The following RBM19 variants were observed in gnomAD, a reference collection of about 807,000 sequenced individuals.
RBM19 encodes probable RNA-binding protein 19.
In RBM19, 94 loss-of-function variants were observed where a neutral mutation model predicts 116.8. That is an observed-to-expected ratio of 0.80 (90% confidence interval 0.68 to 0.95). The LOEUF is 0.95. Ranked by LOEUF, RBM19 falls within the 40% of genes least tolerant of loss-of-function variation. The pLI, the probability that RBM19 is intolerant of heterozygous loss-of-function variation, is 0.00. For missense variants in RBM19, 1,161 were observed against 1,220.7 expected (o/e 0.95, Z 0.73); for synonymous variants, 475 against 494.1 (o/e 0.96, Z 0.51).
chr12:113,946,829 C>T (rs542205827), intron 11 of RBM19, among the ~76,000 whole-genome samples: 3 of 152,136 alleles, frequency 2.0e-5, no homozygotes, highest in Non-Finnish European at 2.9e-5. Flanking sequence ...CTGATGGCAA[C>T]AAGGGGATCA....
rs370197347 is a variant in RBM19 at position 113,903,130 on chromosome 12, G to A, written c.2558+11839C>T. ...CTACGGATGTGCCTAGTCATCCCTC[G>A]GTATCCACAGGGGATGGGTTCCAGG... is the stretch of plus-strand genomic sequence containing the variant. On this transcript the variant is annotated intron_variant, in intron 21 of 23. Transcript: ENST00000261741. The surrounding 1 kb of genome is among the most constrained non-coding windows in gnomAD (Gnocchi z 5.1). Among the ~76,000 whole-genome samples, 3 of 152,042 alleles carry A rather than the reference G, an allele frequency of 2.0e-5. No individual in the cohort carries two copies. Among genetic ancestry groups the A allele is most frequent in the African/African-American group, 7.3e-5 (3 of 41,378 alleles).
chr12:113,961,202 T>C (rs1872470940), intron 2 of RBM19, among the ~76,000 whole-genome samples: 1 of 152,106 alleles, frequency 6.6e-6, no homozygotes, highest in African/African-American at 2.4e-5. Flanking sequence ...TTTTTTTTTA[T>C]TTTTGTAAAG....
At chr12:113,886,391 C>A (rs1880518927) in intron 21 of RBM19, among the ~76,000 whole-genome samples, 1 of 152,194 alleles carries the variant, frequency 6.6e-6, no homozygotes, top group Admixed American at 6.5e-5. Flanking sequence ...CCTCTGCCTC[C>A]CGAAGTGCTG....
At chr12:113,894,125 C>T (rs147843255) in intron 21 of RBM19, among the ~76,000 whole-genome samples, 29 of 152,042 alleles carry the variant, frequency 1.9e-4, no homozygotes, top group Non-Finnish European at 2.9e-4. Context: ...CAAGACTTTC[C>T]GGCAACACAT....
chr12:113,843,986 A>G (rs1456585666), intron 23 of RBM19, among the ~76,000 whole-genome samples: 1 of 152,174 alleles, frequency 6.6e-6, no homozygotes, highest in African/African-American at 2.4e-5. Flanking sequence ...TCTGCAGTGA[A>G]GCCTCTCTAG....
chr12:113,949,260 T>C (rs1462096098), intron 9 of RBM19, among the ~76,000 whole-genome samples: 2 of 152,194 alleles, frequency 1.3e-5, no homozygotes, highest in Non-Finnish European at 1.5e-5. Flanking sequence ...GCTTCAGCCC[T>C]GGAGGGAGCC....
At position 113,958,918 on chromosome 12, in the gene RBM19, C is replaced by T. The variant is rs371336152; in HGVS notation, c.571+294G>A. 5.9e-5 allele frequency among the ~76,000 whole-genome samples: 9 copies of T among 152,252 alleles called. No individual in the cohort carries two copies. In the East Asian group the frequency reaches 1.5e-3, roughly 26 times the overall value. ...TATTGTTTCTCTCCACAACCATAAT[C>T]ACAGCTCCATAGGGGAATAAACCCT... On this transcript the variant is annotated intron_variant, in intron 5 of 23. Coordinates refer to ENST00000261741, the MANE Select transcript of RBM19 (RefSeq NM_016196.4).
intron 16 of RBM19, among the ~76,000 whole-genome samples, chr12:113,930,290 G>A (rs533563542): frequency 2.6e-5 from 4 of 152,338 alleles, no homozygotes; most frequent in Non-Finnish European, 5.9e-5. Context: ...AGTCTCACAA[G>A]GGTAATAACC....
At chr12:113,858,951 T>G (rs779491485) in intron 21 of RBM19, 55 bp from the exon 22 acceptor site, 2 of 1,522,908 alleles carry the variant, frequency 1.3e-6, no homozygotes, top group African/African-American at 2.7e-5. Context: ...GCAAGGGAGG[T>G]CGGGAAGGCA....
At chr12:113,934,099 T>A (rs1405094278) in intron 16 of RBM19, among the ~76,000 whole-genome samples, 1 of 152,164 alleles carries the variant, frequency 6.6e-6, no homozygotes, top group African/African-American at 2.4e-5. Flanking sequence ...CTACAAGGCA[T>A]GCACCACTAC....
intron 7 of RBM19, 132 bp from the exon 8 acceptor site, chr12:113,952,722 T>C (rs1871578074): frequency 1.5e-6 from 1 of 650,060 alleles, no homozygotes; most frequent in Non-Finnish European, 2.6e-6. Flanking sequence ...TCTTTCCTTA[T>C]ACGTATCGCT....
intron 21 of RBM19, among the ~76,000 whole-genome samples, chr12:113,900,364 G>C (rs1222352427): frequency 6.6e-6 from 1 of 152,160 alleles, no homozygotes; most frequent in Non-Finnish European, 1.5e-5. Flanking sequence ...ACTTATCAAA[G>C]ACGCTGGCCC....
chr12:113,827,115 C>A (rs1255011901), intron 23 of RBM19, among the ~76,000 whole-genome samples: 3 of 152,302 alleles, frequency 2.0e-5, no homozygotes, highest in Non-Finnish European at 2.9e-5. Flanking sequence ...AATCCCACTT[C>A]CCCGACATCA....
At chr12:113,958,759 C>T (rs1030148129) in intron 5 of RBM19, among the ~76,000 whole-genome samples, 2 of 152,190 alleles carry the variant, frequency 1.3e-5, no homozygotes, top group Non-Finnish European at 2.9e-5. Context: ...CACCACAAAC[C>T]CCTTCTGAGG....
chr12:113,857,237 C>A (rs58632101), intron 22 of RBM19, among the ~76,000 whole-genome samples: 1 of 152,156 alleles, frequency 6.6e-6, no homozygotes, highest in Non-Finnish European at 1.5e-5. Context: ...CATGTGTGCA[C>A]GAATCCATAG....
In RBM19 at chr12:113,942,420, G is replaced by T; in HGVS notation, c.1641C>A (p.Ser547Arg). 6.2e-7 allele frequency: 1 copy of T among 1,606,690 alleles called. No individual in the cohort carries two copies. The change falls in exon 14 of 24, where the codon AGC becomes AGA. Residue 547 changes from serine (S) to arginine (R), a missense_variant. By Grantham distance (110) the Ser-to-Arg change is moderately radical (BLOSUM62 -1). Transcript: ENST00000261741. ...CCCCCAGAGCCACGCGCACGGCCAC[G>T]CTGCCCTTGGTCTCCTGTGGAAGAG... is the stretch of plus-strand genomic sequence containing the variant. ...SQVFDHETKG[S>R]VAVRVALGET...
chr12:113,895,590 C>T (rs10492319), intron 21 of RBM19, among the ~76,000 whole-genome samples: 8,694 of 152,156 alleles, frequency 0.057, 843 homozygotes, highest in African/African-American at 0.2. Flanking sequence ...TCACATCCGT[C>T]GCCTACAGGT....
At chr12:113,946,736 C>T (rs1317811990) in intron 11 of RBM19, among the ~76,000 whole-genome samples, 2 of 152,260 alleles carry the variant, frequency 1.3e-5, no homozygotes, top group Non-Finnish European at 2.9e-5. Flanking sequence ...AGCCCTCTCC[C>T]CGCCTCTCAA....
intron 23 of RBM19, among the ~76,000 whole-genome samples, chr12:113,840,502 A>C (rs975405978): frequency 2.6e-5 from 4 of 152,210 alleles, no homozygotes; most frequent in African/African-American, 9.6e-5. Context: ...CACACTGGAC[A>C]TTCTCTGTCT....
Sources: allele counts gnomAD v4.1 joint callset (sites outside exome capture counted in the v4.1 genomes callset), GRCh38; gene constraint gnomAD v4.1.1; non-coding constraint Gnocchi (gnomAD v3.1); transcripts MANE v1.5; gene names NCBI Gene and HGNC (gene_info 2026-07-23, HGNC 2026-07-21).